The following PPP2R2C variants were observed in gnomAD, a reference collection of about 807,000 sequenced individuals.
PPP2R2C encodes the protein protein phosphatase 2 regulatory subunit Bgamma.
In PPP2R2C, 10 loss-of-function variants were observed where a neutral mutation model predicts 45.3. The observed-to-expected ratio is 0.22, with a 90% CI of 0.14 to 0.37. PPP2R2C has a LOEUF of 0.37. Among genes scored for constraint, PPP2R2C ranks in the 10% least tolerant of loss-of-function variants. The pLI is 1.00. For missense variants in PPP2R2C, 308 were observed against 619.7 expected (o/e 0.50, Z 5.34); for synonymous variants, 257 against 245.4 (o/e 1.05, Z -0.44).
At chr4:6,424,849 C>A (rs1337497473) in intron 1 of PPP2R2C, among the ~76,000 whole-genome samples, 2 of 152,184 alleles carry the variant, frequency 1.3e-5, no homozygotes, top group Non-Finnish European at 2.9e-5. Context: ...TGAGAGTGAG[C>A]CAAGGCTAAG....
chr4:6,359,624 TAA>T (rs34585147), intron 5 of PPP2R2C, among the ~76,000 whole-genome samples: 4 of 143,990 alleles, frequency 2.8e-5, no homozygotes, highest in Admixed American at 6.9e-5. Flanking sequence ...ATTTCACCTG[TAA>T]AAAAAAAAAA....
At chr4:6,525,360 G>T (rs1165416719) in intron 2 of PPP2R2C, among the ~76,000 whole-genome samples, 1 of 152,124 alleles carries the variant, frequency 6.6e-6, no homozygotes, top group Non-Finnish European at 1.5e-5. Flanking sequence ...AGGCAAGATT[G>T]TGCCGCTGCA....
At chr4:6,481,091 T>C (rs972037623) in intron 2 of PPP2R2C, among the ~76,000 whole-genome samples, 1 of 152,262 alleles carries the variant, frequency 6.6e-6, no homozygotes, top group South Asian at 2.1e-4. Context: ...TCTGTTTCTA[T>C]GTTGCAAACA....
At chr4:6,500,682 A>G (rs11930441) in intron 2 of PPP2R2C, among the ~76,000 whole-genome samples, 33,112 of 152,176 alleles carry the variant, frequency 0.22, 3,737 homozygotes, top group African/African-American at 0.28. Flanking sequence ...CATTTGAGCC[A>G]AGTCCTGGGG....
intron 1 of PPP2R2C, among the ~76,000 whole-genome samples, chr4:6,445,618 C>T (rs1386458420): frequency 2.6e-5 from 4 of 152,214 alleles, no homozygotes; most frequent in Non-Finnish European, 4.4e-5. Flanking sequence ...CTCTGGGAGG[C>T]CCCGGCAGGG....
intron 3 of PPP2R2C, among the ~76,000 whole-genome samples, chr4:6,376,615 G>A (rs1715322889): frequency 6.6e-6 from 1 of 152,006 alleles, no homozygotes; most frequent in African/African-American, 2.4e-5. Context: ...CACCACACCT[G>A]GCTAATATTT....
At chr4:6,492,500 G>T (rs549383579) in intron 2 of PPP2R2C, among the ~76,000 whole-genome samples, 1 of 152,330 alleles carries the variant, frequency 6.6e-6, no homozygotes, top group African/African-American at 2.4e-5. Context: ...GGCCTGGAGC[G>T]CATGCTCAAG....
At chr4:6,435,112 T>G (rs1719830038) in intron 1 of PPP2R2C, among the ~76,000 whole-genome samples, 1 of 152,218 alleles carries the variant, frequency 6.6e-6, no homozygotes, top group South Asian at 2.1e-4. Flanking sequence ...TTCATTCTTA[T>G]CTCCAGGGAC....
chr4:6,455,553 C>T (rs1395470293), intron 1 of PPP2R2C, among the ~76,000 whole-genome samples: 4 of 152,210 alleles, frequency 2.6e-5, no homozygotes, highest in African/African-American at 7.2e-5. Flanking sequence ...CACCCCACAA[C>T]GTTCACCTCC....
intron 1 of PPP2R2C, among the ~76,000 whole-genome samples, chr4:6,433,999 C>T (rs2109415131): frequency 6.6e-6 from 1 of 152,220 alleles, no homozygotes; most frequent in East Asian, 1.9e-4. Flanking sequence ...CCCACTCACT[C>T]AGCTCTCCTG....
At chr4:6,451,754 A>C (rs1720742716) in intron 1 of PPP2R2C, among the ~76,000 whole-genome samples, 1 of 152,164 alleles carries the variant, frequency 6.6e-6, no homozygotes, top group Non-Finnish European at 1.5e-5. Flanking sequence ...TCCCGGCCTC[A>C]GTGCTCTGAG....
intron 2 of PPP2R2C, among the ~76,000 whole-genome samples, chr4:6,484,542 T>C (rs1347834269): frequency 6.6e-6 from 1 of 151,846 alleles, no homozygotes; most frequent in African/African-American, 2.4e-5. Context: ...CAGATATTGT[T>C]TACACTGTGT....
intron 2 of PPP2R2C, among the ~76,000 whole-genome samples, chr4:6,511,468 GTGGTGGTGATGGCGGTGT>G (rs1430859275): frequency 1.7e-4 from 19 of 110,976 alleles, no homozygotes; most frequent in East Asian, 4.9e-4. Flanking sequence ...GATGACGGTG[GTGGTGGTGATGGCGGTGT>G]TGGTGGTGAT....
chr4:6,383,749 A>C, intron 1 of PPP2R2C: 1 of 909,154 alleles, frequency 1.1e-6, no homozygotes, highest in Non-Finnish European at 1.4e-6. Context: ...GCCAGAACGT[A>C]AACTTCATGA....
At chr4:6,381,749 A>T in intron 1 of PPP2R2C, 2 of 1,601,810 alleles carry the variant, frequency 1.2e-6, no homozygotes, top group Non-Finnish European at 8.5e-7. Context: ...TCACTCAGGA[A>T]CCTCTCCTTA....
At chr4:6,410,250 G>A (rs1371691041) in intron 1 of PPP2R2C, among the ~76,000 whole-genome samples, 3 of 152,178 alleles carry the variant, frequency 2.0e-5, no homozygotes, top group Admixed American at 6.5e-5. Flanking sequence ...CAGGCTGGGC[G>A]CACTTGTTCA....
intron 1 of PPP2R2C, among the ~76,000 whole-genome samples, chr4:6,548,920 C>T (rs1043269311): frequency 9.8e-5 from 15 of 152,310 alleles, no homozygotes; most frequent in South Asian, 4.1e-4. Context: ...GAACAGTGCC[C>T]GTCCCTTGGC....
chr4:6,462,659 G>T (rs749926344), intron 1 of PPP2R2C, among the ~76,000 whole-genome samples: 1 of 152,106 alleles, frequency 6.6e-6, no homozygotes, highest in Non-Finnish European at 1.5e-5. Context: ...AACTGGGGAC[G>T]TTCATAAAAT....
At chr4:6,429,613 T>C (rs1040810122) in intron 1 of PPP2R2C, among the ~76,000 whole-genome samples, 2 of 152,140 alleles carry the variant, frequency 1.3e-5, no homozygotes, top group Non-Finnish European at 1.5e-5. Context: ...TTAAGCAGCA[T>C]CTACCGTGCT....
Sources: allele counts gnomAD v4.1 joint callset (sites outside exome capture counted in the v4.1 genomes callset), GRCh38; gene constraint gnomAD v4.1.1; transcripts MANE v1.5; gene names NCBI Gene and HGNC (gene_info 2026-07-23, HGNC 2026-07-21).